Variants in HCN1 observed in about 807,000 individuals in gnomAD.
HCN1 encodes hyperpolarization activated cyclic nucleotide gated potassium channel 1.
HCN1 carries 13 observed loss-of-function variants against 78.9 expected under a neutral mutation model. That is an observed-to-expected ratio of 0.16 (90% CI 0.11 to 0.26). The LOEUF (loss-of-function observed/expected upper bound fraction) is 0.26, where lower values mean the gene tolerates loss of function less well. HCN1 is among the 10% of genes least tolerant of loss of function. The pLI is 1.00. For missense variants in HCN1, 810 were observed against 1,154.3 expected (o/e 0.70, Z 4.32); for synonymous variants, 552 against 455.5 (o/e 1.21, Z -2.70).
At chr5:45,267,522 C>G (rs982443733) in intron 6 of HCN1, among the ~76,000 whole-genome samples, 1 of 151,266 alleles carries the variant, frequency 6.6e-6, no homozygotes, top group Non-Finnish European at 1.5e-5. Flanking sequence ...GTAATCCCAG[C>G]ACTTTGGGAG....
At chr5:45,423,877 C>G (rs1283147054) in intron 3 of HCN1, among the ~76,000 whole-genome samples, 1 of 151,994 alleles carries the variant, frequency 6.6e-6, no homozygotes, top group East Asian at 1.9e-4. Context: ...CTACCTAAAC[C>G]TCTTTGAGAG....
intron 5 of HCN1, among the ~76,000 whole-genome samples, chr5:45,348,077 G>T (rs2111975239): frequency 6.6e-6 from 1 of 152,250 alleles, no homozygotes; most frequent in East Asian, 1.9e-4. Context: ...ATTCACCAAA[G>T]TTGAAATGAA....
rs1739699341 is a variant in HCN1, at chr5:45,681,378, A to AAAAGCT, written c.425+14290_425+14291insAGCTTT. On this transcript the variant is annotated intron_variant, in intron 1 of 7. Transcript: ENST00000303230. ...TATGCAAAAACTAAGCTGACATCTT[A>AAAAGCT]GTTTTGCATCTTTTCAGACTCAAGT... 3.9e-5 allele frequency among the ~76,000 whole-genome samples: 6 copies of AAAAGCT among 152,070 alleles called. No individual in the cohort carries two copies. In the South Asian group the frequency reaches 1.2e-3, roughly 32 times the overall value.
At chr5:45,299,389 A>G (rs894996705) in intron 6 of HCN1, among the ~76,000 whole-genome samples, 8 of 152,028 alleles carry the variant, frequency 5.3e-5, no homozygotes, top group Admixed American at 6.6e-5. Context: ...AGGGAACCAT[A>G]TATCTACATC....
chr5:45,659,382 T>C (rs1745867600), intron 1 of HCN1, among the ~76,000 whole-genome samples: 2 of 109,748 alleles, frequency 1.8e-5, no homozygotes, highest in Admixed American at 9.0e-5. Flanking sequence ...CTGGAAACTC[T>C]AAAACGCAGA....
intron 6 of HCN1, among the ~76,000 whole-genome samples, chr5:45,287,765 A>G (rs985521832): frequency 6.6e-6 from 1 of 152,076 alleles, no homozygotes; most frequent in Non-Finnish European, 1.5e-5. Context: ...AGACTAACAC[A>G]TAGTCAGGAG....
chr5:45,655,305 G>A (rs1745744550), intron 1 of HCN1, among the ~76,000 whole-genome samples: 2 of 152,004 alleles, frequency 1.3e-5, no homozygotes, highest in African/African-American at 4.8e-5. Flanking sequence ...GGTCTTGTTT[G>A]ATACTCAAAC....
intron 5 of HCN1, among the ~76,000 whole-genome samples, chr5:45,322,277 A>G (rs1163263155): frequency 2.0e-5 from 3 of 151,890 alleles, no homozygotes; most frequent in Non-Finnish European, 4.4e-5. Flanking sequence ...AAATAGGTGA[A>G]TACTGTGTTT....
intron 5 of HCN1, among the ~76,000 whole-genome samples, chr5:45,316,879 G>A (rs1746004746): frequency 6.6e-6 from 1 of 152,070 alleles, no homozygotes; most frequent in South Asian, 2.1e-4. Flanking sequence ...ACCTCTTCAA[G>A]GAGAATTAAA....
At chr5:45,480,392 C>T (rs1314157738) in intron 2 of HCN1, among the ~76,000 whole-genome samples, 1 of 152,096 alleles carries the variant, frequency 6.6e-6, no homozygotes, top group Non-Finnish European at 1.5e-5. Flanking sequence ...GCTTTTAATA[C>T]ATATTTTTTA....
chr5:45,443,025 GTTTTC>G (rs1740710442), intron 3 of HCN1, among the ~76,000 whole-genome samples: 1 of 151,992 alleles, frequency 6.6e-6, no homozygotes, highest in Admixed American at 6.6e-5. Context: ...AGAGAATTAA[GTTTTC>G]TTGTTATGCT....
At chr5:45,566,290 G>A (rs1020059745) in intron 2 of HCN1, among the ~76,000 whole-genome samples, 4 of 151,676 alleles carry the variant, frequency 2.6e-5, no homozygotes, top group Non-Finnish European at 5.9e-5. Context: ...ATTTAGGAAA[G>A]GTATTTTATT....
intron 1 of HCN1, among the ~76,000 whole-genome samples, chr5:45,688,305 C>G (rs1739846227): frequency 6.6e-6 from 1 of 152,068 alleles, no homozygotes; most frequent in Non-Finnish European, 1.5e-5. Flanking sequence ...GTTGAAGTGA[C>G]AAAATTAATA....
rs1462644409 is a variant in HCN1 at position 45,696,282 on chromosome 5, C to CCCG, written c.-192_-190dup. ...GCCGCTGCTAGCTGCGCGCCTGGCT[C>CCCG]CCGCCGCCGCCGCTGCCCTTAGTGG... On this transcript the variant is annotated 5_prime_UTR_variant, in exon 1 of 8. Coordinates refer to ENST00000303230, the MANE Select transcript of HCN1 (RefSeq NM_021072.4). 2 of 153,396 alleles carry CCCG rather than the reference C, an allele frequency of 1.3e-5. No individual in the cohort carries two copies. Among genetic ancestry groups the CCCG allele is most frequent in the African/African-American group, 4.9e-5 (2 of 41,158 alleles). 9.5% of individuals were successfully genotyped at this position (153,396 alleles called of 1,614,324 possible).
At chr5:45,283,202 C>A (rs1302794266) in intron 6 of HCN1, among the ~76,000 whole-genome samples, 1 of 152,092 alleles carries the variant, frequency 6.6e-6, no homozygotes, top group Non-Finnish European at 1.5e-5. Flanking sequence ...GGAAACCAAC[C>A]TATGAAATAC....
chr5:45,376,117 T>C (rs1319912955), intron 4 of HCN1, among the ~76,000 whole-genome samples: 2 of 110,096 alleles, frequency 1.8e-5, no homozygotes, highest in South Asian at 2.7e-4. Flanking sequence ...TTATAATATA[T>C]AATATGTTAT....
At chr5:45,685,349 T>C (rs1017612588) in intron 1 of HCN1, among the ~76,000 whole-genome samples, 3 of 152,206 alleles carry the variant, frequency 2.0e-5, no homozygotes, top group African/African-American at 7.2e-5. Context: ...TATTTCCAAA[T>C]GTTCAATACG....
At chr5:45,657,944 G>A (rs982920520) in intron 1 of HCN1, among the ~76,000 whole-genome samples, 19 of 152,138 alleles carry the variant, frequency 1.2e-4, no homozygotes, top group African/African-American at 4.1e-4. Context: ...TCAATCCTAA[G>A]CCAAAAGAAC....
chr5:45,266,199 T>G (rs112215316), intron 7 of HCN1, among the ~76,000 whole-genome samples: 29 of 152,320 alleles, frequency 1.9e-4, no homozygotes, highest in African/African-American at 5.5e-4. Flanking sequence ...GCCTAATGGT[T>G]GTATATATAT....
Sources: allele counts gnomAD v4.1 joint callset (sites outside exome capture counted in the v4.1 genomes callset), GRCh38; gene constraint gnomAD v4.1.1; transcripts MANE v1.5; gene names NCBI Gene and HGNC (gene_info 2026-07-23, HGNC 2026-07-21).